CACNA1C: variants seen among roughly 807,000 people sequenced by gnomAD.
CACNA1C encodes the protein voltage-dependent L-type calcium channel subunit alpha-1C.
In CACNA1C, 30 loss-of-function variants were observed where a neutral mutation model predicts 229.0. The observed-to-expected ratio is 0.13, with a 90% CI of 0.10 to 0.18. The LOEUF (loss-of-function observed/expected upper bound fraction) is 0.18, where lower values mean the gene tolerates loss of function less well. CACNA1C is among the 10% of genes least tolerant of loss of function. The pLI is 1.00. For missense variants in CACNA1C, 1,658 were observed against 2,845.0 expected (o/e 0.58, Z 9.49); for synonymous variants, 1,114 against 1,132.5 (o/e 0.98, Z 0.33).
At chr12:2,090,101 G>T (rs1271840607) in intron 1 of CACNA1C, among the ~76,000 whole-genome samples, 2 of 152,022 alleles carry the variant, frequency 1.3e-5, no homozygotes, top group Non-Finnish European at 2.9e-5. Context: ...CCTGCCTCCA[G>T]CCCCTGGCAA....
Position 2,610,546 on chromosome 12 carries a change from G to A in CACNA1C, c.3564G>A (p.Gln1188=), listed in dbSNP as rs904626222. The stretch of plus-strand genomic sequence containing the variant: ...ATCCTCCACCACCCTCCCAGCGACA[G>A]TGCGTGGAATACGCCCTCAAGGCCC... ...KNCELDKNQR[Q]CVEYALKARP... The change falls in exon 28 of 47, where the codon CAG becomes CAA. Residue 1188 remains glutamine (Q), a synonymous_variant. Transcript: ENST00000399655. 1 of 1,613,188 alleles carries A rather than the reference G, an allele frequency of 6.2e-7. No homozygotes were observed. Among genetic ancestry groups the A allele is most frequent in the Non-Finnish European group, 8.5e-7 (1 of 1,179,338 alleles).
intron 29 of CACNA1C, among the ~76,000 whole-genome samples, chr12:2,619,762 C>T (rs915158017): frequency 1.3e-5 from 2 of 152,116 alleles, no homozygotes; most frequent in East Asian, 1.9e-4. Context: ...TGTTTTGCTG[C>T]AGGCTAAAGT....
At chr12:2,210,481 G>T (rs1319504921) in intron 3 of CACNA1C, among the ~76,000 whole-genome samples, 7 of 152,178 alleles carry the variant, frequency 4.6e-5, no homozygotes, top group Admixed American at 4.6e-4. Context: ...CTAGGAGGAA[G>T]CCTGGGATTG....
chr12:2,164,724 A>G (rs1372650452), intron 3 of CACNA1C, among the ~76,000 whole-genome samples: 2 of 152,262 alleles, frequency 1.3e-5, no homozygotes, highest in African/African-American at 4.8e-5. Context: ...TCTTAGCCCT[A>G]CCACTTAATA....
Position 2,583,183 on chromosome 12 carries a change from T to G in CACNA1C, c.2224+241T>G, listed in dbSNP as rs147409806. Among the ~76,000 whole-genome samples the G allele has an allele frequency of 1.4e-4, 22 of 152,222 alleles. No homozygotes were observed. In the East Asian group the frequency reaches 4.3e-3, roughly 29 times the overall value. On this transcript the variant is annotated intron_variant, in intron 15 of 46. Transcript: ENST00000399655. ...CCGCGCTCCGGGCGGGCTGTCGCCG[T>G]AATCTGGGTGAGCGGCGCCCCCTGG...
intron 9 of CACNA1C, among the ~76,000 whole-genome samples, chr12:2,524,971 C>T (rs1402650126): frequency 6.6e-6 from 1 of 152,150 alleles, no homozygotes; most frequent in East Asian, 1.9e-4. Flanking sequence ...GAGGGGGCTA[C>T]ATTTGCAAAG....
chr12:2,546,829 G>C (rs1292948571), intron 9 of CACNA1C, among the ~76,000 whole-genome samples: 1 of 152,240 alleles, frequency 6.6e-6, no homozygotes, highest in South Asian at 2.1e-4. Flanking sequence ...CTAGGCCTTT[G>C]ATGGGTCTTT....
At position 2,253,557 on chromosome 12, in the gene CACNA1C, C is replaced by T. The variant is rs983899966; in HGVS notation, c.477+133127C>T. On this transcript the variant is annotated intron_variant, in intron 3 of 46. Coordinates refer to ENST00000399655, the MANE Select transcript of CACNA1C (RefSeq NM_000719.7). ...TTTGCAAGTCATTGGAACCTAAGTC[C>T]GTGGCTTCTGTTTTCTAAGAACATC... is the stretch of plus-strand genomic sequence containing the variant. Among the ~76,000 whole-genome samples the T allele has an allele frequency of 3.1e-4, 47 of 152,194 alleles. 1 individual carries two copies. Among genetic ancestry groups the T allele is most frequent in the Admixed American group, 2.6e-3 (40 of 15,280 alleles).
chr12:2,400,804 C>T (rs942364942), intron 3 of CACNA1C, among the ~76,000 whole-genome samples: 7 of 152,194 alleles, frequency 4.6e-5, no homozygotes, highest in Non-Finnish European at 7.3e-5. Context: ...GAGATGTACA[C>T]CTCTAATGCT....
Position 2,607,023 on chromosome 12 carries a change from C to A in CACNA1C, c.3249C>A (p.His1083Gln). Residue 1083 changes from histidine to glutamine, a missense_variant, in exon 26 of 47, where the codon CAC becomes CAA. His to Gln is a conservative substitution (Grantham distance 24). Transcript: ENST00000399655. Reference protein sequence around the residue: ...YITYKDGEVDHPIIQPRSWEN... With the variant: ...YITYKDGEVDQPIIQPRSWEN... The stretch of plus-strand genomic sequence containing the variant: ...CGTACAAAGACGGGGAGGTTGACCA[C>A]CCCATCATCCAACCCCGCAGCTGGG... 1 of 1,614,014 alleles carries A rather than the reference C, an allele frequency of 6.2e-7. No individual in the cohort carries two copies. The highest frequency in any genetic ancestry group is 8.5e-7 in the Non-Finnish European group (1 of 1,179,880).
At chr12:2,508,816 T>C (rs1298838498) in intron 8 of CACNA1C, among the ~76,000 whole-genome samples, 1 of 152,210 alleles carries the variant, frequency 6.6e-6, no homozygotes, top group Non-Finnish European at 1.5e-5. Context: ...TTTTTCAAAA[T>C]ACTTTATTAT....
chr12:2,273,374 G>A (rs1283061225), intron 3 of CACNA1C, among the ~76,000 whole-genome samples: 2 of 152,084 alleles, frequency 1.3e-5, no homozygotes, highest in African/African-American at 4.8e-5. Context: ...CACCAAGAAT[G>A]CAAAGGGCCA....
chr12:2,004,405 C>T, intron 1 of CACNA1C: 1 of 1,611,470 alleles, frequency 6.2e-7, no homozygotes, highest in Non-Finnish European at 8.5e-7. Flanking sequence ...CCTTTCCCAC[C>T]AGGCCGCCTG....
At chr12:2,278,842 GC>G (rs1469045301) in intron 3 of CACNA1C, among the ~76,000 whole-genome samples, 7 of 152,226 alleles carry the variant, frequency 4.6e-5, no homozygotes, top group African/African-American at 1.7e-4. Flanking sequence ...ATTTTGTGCT[GC>G]CATCAGCAGT....
Position 2,679,792 on chromosome 12 carries a change from A to G in CACNA1C, c.5440A>G (p.Asn1814Asp). ...GGAGGTGGCGTGGAAGCTCAGCTCCAACAGGTAAGTGGGAGGCTGGCCACC... is the reference window on the plus strand; with the variant it reads ...GGAGGTGGCGTGGAAGCTCAGCTCCGACAGGTAAGTGGGAGGCTGGCCACC... Reference protein sequence around the residue: ...VQEVAWKLSSNRCHSRESQAA... With the variant: ...VQEVAWKLSSDRCHSRESQAA... Residue 1814 changes from asparagine (N) to aspartate (D), a missense_variant, in exon 42 of 47, where the codon AAC becomes GAC. Asn to Asp is a conservative substitution (Grantham distance 23, BLOSUM62 1). Transcript: ENST00000399655. The surrounding 1 kb of genome is among the most constrained non-coding windows in gnomAD (Gnocchi z 5.5). 6.4e-7 allele frequency: 1 copy of G among 1,558,374 alleles called. No homozygotes were observed. The highest frequency in any genetic ancestry group is 1.9e-5 in the Admixed American group (1 of 52,518).
chr12:2,375,250 C>T (rs750711434), intron 3 of CACNA1C, among the ~76,000 whole-genome samples: 1 of 152,200 alleles, frequency 6.6e-6, no homozygotes, highest in Non-Finnish European at 1.5e-5. Flanking sequence ...GAAGGGCTGG[C>T]ATCTTCCCTG....
chr12:2,595,786 A>T lies in CACNA1C; in HGVS notation c.2664-88A>T, dbSNP rs2067879685. 2 of 1,283,236 alleles carry T rather than the reference A, an allele frequency of 1.6e-6. No homozygotes were observed. The highest frequency in any genetic ancestry group is 2.2e-6 in the Non-Finnish European group (2 of 912,898). 79.5% of individuals were successfully genotyped at this position (1,283,236 alleles called of 1,614,324 possible). On this transcript the variant is annotated intron_variant, in intron 19 of 46. Transcript: ENST00000399655. This position sits in a 1 kb window ranked among gnomAD's most constrained non-coding sequence, Gnocchi z 4.1. ...GCACCTGTTGCCAGCTGCTGGGGAG[A>T]GCTGAGGAGAGGGGCTCCCAAGAGC...
chr12:2,004,145 G>C, intron 1 of CACNA1C: 19 of 1,136,796 alleles, frequency 1.7e-5, no homozygotes, highest in East Asian at 6.0e-5. Context: ...CCACAACTTC[G>C]GCCTCAGTCC....
chr12:1,994,234 TAC>T (rs2154475314), intron 1 of CACNA1C, among the ~76,000 whole-genome samples: 1 of 152,340 alleles, frequency 6.6e-6, no homozygotes, highest in South Asian at 2.1e-4. Flanking sequence ...ACCACATACT[TAC>T]ACACTGAAGC....
Sources: allele counts gnomAD v4.1 joint callset (sites outside exome capture counted in the v4.1 genomes callset), GRCh38; gene constraint gnomAD v4.1.1; non-coding constraint Gnocchi (gnomAD v3.1); transcripts MANE v1.5; gene names NCBI Gene and HGNC (gene_info 2026-07-23, HGNC 2026-07-21).